PTPN14: variants seen among roughly 807,000 people sequenced by gnomAD.
The protein encoded by PTPN14 is tyrosine-protein phosphatase non-receptor type 14.
PTPN14 carries 53 observed loss-of-function variants against 126.8 expected under a neutral mutation model. That is an observed-to-expected ratio of 0.42 (90% CI 0.34 to 0.53). PTPN14 has a LOEUF of 0.53. Among genes scored for constraint, PTPN14 ranks in the 20% least tolerant of loss-of-function variants. The pLI is 0.08. For missense variants in PTPN14, 1,257 were observed against 1,552.9 expected, an observed-to-expected ratio of 0.81 and a Z score of 3.20; for synonymous variants, 630 against 599.3, an observed-to-expected ratio of 1.05 and a Z score of -0.75.
chr1:214,410,583 G>A (rs1462156972), intron 5 of PTPN14, among the ~76,000 whole-genome samples: 3 of 152,134 alleles, frequency 2.0e-5, no homozygotes, highest in Non-Finnish European at 4.4e-5. Flanking sequence ...GAGCCACCGC[G>A]CCTGGCCACA....
At position 214,357,885 on chromosome 1, in the gene PTPN14, G is replaced by A. The variant is rs889334058; in HGVS notation, c.*37C>T. 5.7e-5 allele frequency: 91 copies of A among 1,598,766 alleles called. No individual in the cohort carries two copies. The highest frequency in any genetic ancestry group is 7.6e-5 in the Non-Finnish European group (89 of 1,168,096). Reference sequence around the variant, plus strand: ...GAGGTGACTCTCCTCCAGCGCGATGGAGCTGGGTCCCTCCTCCAGGAGCTG... The same window carrying A: ...GAGGTGACTCTCCTCCAGCGCGATGAAGCTGGGTCCCTCCTCCAGGAGCTG... On this transcript the variant is annotated 3_prime_UTR_variant, in exon 19 of 19. Transcript: ENST00000366956.
intron 8 of PTPN14, 132 bp downstream of exon 8, chr1:214,397,780 AC>A: frequency 1.5e-6 from 1 of 670,134 alleles, no homozygotes; most frequent in East Asian, 2.9e-5. Flanking sequence ...CAGAGGGCTC[AC>A]CTTATATGAG....
intron 3 of PTPN14, among the ~76,000 whole-genome samples, chr1:214,450,031 G>A (rs1361465547): frequency 6.6e-6 from 1 of 151,932 alleles, no homozygotes; most frequent in Non-Finnish European, 1.5e-5. Context: ...TACTCAGGAG[G>A]CTGACGCAGG....
intron 17 of PTPN14, among the ~76,000 whole-genome samples, chr1:214,367,363 C>T (rs1658106031): frequency 6.6e-6 from 1 of 152,232 alleles, no homozygotes; most frequent in African/African-American, 2.4e-5. Context: ...TCTCTGCTTT[C>T]AGTGCCAAAC....
At position 214,432,803 on chromosome 1, in the gene PTPN14, T is replaced by C. The variant is rs114909606; in HGVS notation, c.345-18077A>G. Reference sequence around the variant, plus strand: ...TCAGGATCATGGTTATCCTGATCCATAAACACTGAGAGGGAGCACAATGAA... The same window carrying C: ...TCAGGATCATGGTTATCCTGATCCACAAACACTGAGAGGGAGCACAATGAA... On this transcript the variant is annotated intron_variant, in intron 3 of 18. Transcript: ENST00000366956. 6.5e-4 allele frequency among the ~76,000 whole-genome samples: 99 copies of C among 152,342 alleles called. 1 individual carries two copies. The highest frequency in any genetic ancestry group is 2.3e-3 in the African/African-American group (96 of 41,576).
chr1:214,393,609 A>G lies in PTPN14; in HGVS notation c.929+86T>C, dbSNP rs4655342. The G allele has an allele frequency of 0.79, 860,232 of 1,087,356 alleles. 342,723 individuals carry two copies. The highest frequency in any genetic ancestry group is 0.96 in the African/African-American group (60,576 of 63,112). The allele number at this position is 1,087,356 out of a possible 1,614,324, so 67.4% of individuals were successfully genotyped here. A position where few individuals can be genotyped will look rare whatever the true frequency, so the allele number is the denominator to read the frequency against. On this transcript the variant is annotated intron_variant, in intron 10 of 18. Coordinates refer to ENST00000366956, the MANE Select transcript of PTPN14 (RefSeq NM_005401.5). ...CAAGGAACAAGGAAAAAGAGTGAAT[A>G]GGAAAAGAGATCTACAGCACCCCAA...
intron 1 of PTPN14, among the ~76,000 whole-genome samples, chr1:214,548,209 G>A (rs1350370237): frequency 6.6e-6 from 1 of 152,122 alleles, no homozygotes; most frequent in Admixed American, 6.5e-5. Flanking sequence ...AAATGGCAGC[G>A]CTAGAATTCC....
At chr1:214,389,682 G>C (rs1193576057) in intron 11 of PTPN14, among the ~76,000 whole-genome samples, 6 of 152,148 alleles carry the variant, frequency 3.9e-5, no homozygotes, top group African/African-American at 1.2e-4. Flanking sequence ...TGGATAATGA[G>C]GACAAGATAA....
At chr1:214,410,560 A>G (rs148131767) in intron 5 of PTPN14, among the ~76,000 whole-genome samples, 2,603 of 152,160 alleles carry the variant, frequency 0.017, 80 homozygotes, top group African/African-American at 0.059. Flanking sequence ...CAAAGTGCTG[A>G]GATTATGGGC....
Position 214,369,584 on chromosome 1 carries a change from A to T in PTPN14, c.3144T>A (p.Ser1048=). Residue 1048 remains serine, a synonymous_variant, in exon 17 of 19, where the codon TCT becomes TCA. Transcript: ENST00000366956. ...TCAAGCCCGTGGTTGCATAGCAAAC[A>T]GAATCCGTTCGAAACTTCGTGGTGA... ...FKVTTKFRTD[S]VCYATTGLKV... 6.2e-7 allele frequency: 1 copy of T among 1,614,260 alleles called. No homozygotes were observed. Among genetic ancestry groups the T allele is most frequent in the Non-Finnish European group, 8.5e-7 (1 of 1,180,054 alleles).
chr1:214,411,627 G>C (rs1159605185), intron 5 of PTPN14, 57 bp downstream of exon 5: 21 of 1,273,784 alleles, frequency 1.6e-5, no homozygotes, highest in Non-Finnish European at 2.3e-5. Flanking sequence ...TCAAAGGAAA[G>C]AACTAAATGT....
Position 214,383,665 on chromosome 1 carries a change from C to T in PTPN14, c.2190G>A (p.Lys730=), listed in dbSNP as rs1456113088. The T allele has an allele frequency of 1.2e-6, 2 of 1,613,380 alleles. No homozygotes were observed. The highest frequency in any genetic ancestry group is 4.5e-5 in the East Asian group (2 of 44,884). The change falls in exon 13 of 19, where the codon AAG becomes AAA. Residue 730 remains lysine (K), a synonymous_variant. Transcript: ENST00000366956. This position sits in a 1 kb window ranked among gnomAD's most constrained non-coding sequence, Gnocchi z 4.4. ...SVPQIPMLRE[K]MEYSAQLQAA... is the part of the protein sequence containing the mutation. Reference sequence around the variant, plus strand: ...CCTGCAGCTGGGCACTGTACTCCATCTTCTCCCGGAGCATGGGGATCTGGG... The same window carrying T: ...CCTGCAGCTGGGCACTGTACTCCATTTTCTCCCGGAGCATGGGGATCTGGG...
chr1:214,368,215 T>TATTTATTTATTTATTC (rs1283312032), intron 17 of PTPN14, among the ~76,000 whole-genome samples: 6 of 151,728 alleles, frequency 4.0e-5, no homozygotes, highest in African/African-American at 1.5e-4. Context: ...TTTATTTATT[T>TATTTATTTATTTATTC]ATTTATTTTT....
chr1:214,397,402 G>A (rs1281673634), intron 8 of PTPN14, among the ~76,000 whole-genome samples: 1 of 152,192 alleles, frequency 6.6e-6, no homozygotes, highest in Non-Finnish European at 1.5e-5. Flanking sequence ...GCAGGGGGGA[G>A]ATGGCTGCAT....
chr1:214,518,435 T>A (rs535288975), intron 1 of PTPN14, among the ~76,000 whole-genome samples: 1 of 152,238 alleles, frequency 6.6e-6, no homozygotes, highest in South Asian at 2.1e-4. Context: ...ATATTAAATA[T>A]GTTACATTAC....
At chr1:214,449,717 A>T (rs988332194) in intron 3 of PTPN14, among the ~76,000 whole-genome samples, 2 of 152,214 alleles carry the variant, frequency 1.3e-5, no homozygotes, top group Non-Finnish European at 2.9e-5. Context: ...TATGCAACAG[A>T]GTGCTTTAAA....
chr1:214,408,986 T>C (rs1659234041), intron 5 of PTPN14, among the ~76,000 whole-genome samples: 1 of 152,218 alleles, frequency 6.6e-6, no homozygotes. Flanking sequence ...TGACAAATAA[T>C]AATTGCATCT....
rs371018152 is a variant in PTPN14, at chr1:214,481,375, G to A, written c.-154-16418C>T. The stretch of plus-strand genomic sequence containing the variant: ...TACAAAAAAAATTTAGCTGGGCGTG[G>A]TGGCATGCGCCTGTAGTCCCAGCTA... On this transcript the variant is annotated intron_variant, in intron 1 of 18. Coordinates refer to ENST00000366956, the MANE Select transcript of PTPN14 (RefSeq NM_005401.5). 7.4e-4 allele frequency among the ~76,000 whole-genome samples: 112 copies of A among 151,882 alleles called. 1 individual carries two copies. The highest frequency in any genetic ancestry group is 2.5e-3 in the African/African-American group (105 of 41,438).
intron 1 of PTPN14, among the ~76,000 whole-genome samples, chr1:214,465,243 C>A (rs549465529): frequency 3.3e-5 from 5 of 152,176 alleles, no homozygotes; most frequent in Non-Finnish European, 7.3e-5. Flanking sequence ...AATGGCAATG[C>A]CAGAATTTAA....
Sources: gnomAD v4.1 joint callset for allele counts (sites outside exome capture counted in the v4.1 genomes callset) on GRCh38, gnomAD v4.1.1 for gene constraint, Gnocchi (gnomAD v3.1) non-coding constraint, MANE v1.5 for transcripts, NCBI Gene and HGNC (gene_info 2026-07-23, HGNC 2026-07-21) for gene names.